Variants in B3GALT5 observed in about 807,000 individuals in gnomAD.
B3GALT5 encodes beta-1,3-galactosyltransferase 5.
For missense variants in B3GALT5, 328 were observed against 396.6 expected (o/e 0.83, Z 1.47); for synonymous variants, 156 against 158.6 (o/e 0.98, Z 0.12).
intron 3 of B3GALT5, 127 bp from the exon 4 acceptor site, chr21:39,660,432 CT>C (rs1242697615): frequency 2.8e-6 from 2 of 714,558 alleles, no homozygotes; most frequent in African/African-American, 3.6e-5. Flanking sequence ...CAGCACCCGA[CT>C]TCTGTATGCA....
intron 1 of B3GALT5, among the ~76,000 whole-genome samples, chr21:39,620,388 T>C (rs111813996): frequency 0.016 from 2,364 of 152,316 alleles, 68 homozygotes; most frequent in African/African-American, 0.053. Context: ...GCATTTTTGG[T>C]AATAATACCA....
In B3GALT5 at chr21:39,661,764, G is replaced by A. The variant is rs114221867; in HGVS notation, c.*272G>A. On this transcript the variant is annotated 3_prime_UTR_variant, in exon 4 of 4. Coordinates refer to ENST00000684187, the MANE Select transcript of B3GALT5 (RefSeq NM_001356336.2). This position sits in a 1 kb window ranked among gnomAD's most constrained non-coding sequence, Gnocchi z 4.7. Reference sequence around the variant, plus strand: ...AGGGGTCAGTATCCTATGACATGATGGGTGTTACCATCCTAATTTTACAGG... The same window carrying A: ...AGGGGTCAGTATCCTATGACATGATAGGTGTTACCATCCTAATTTTACAGG... 679 of 324,722 alleles carry A rather than the reference G, an allele frequency of 2.1e-3. 5 individuals carry two copies. The highest frequency in any genetic ancestry group is 0.014 in the African/African-American group (652 of 46,834). 20.1% of individuals were successfully genotyped at this position (324,722 alleles called of 1,614,324 possible).
intron 2 of B3GALT5, among the ~76,000 whole-genome samples, chr21:39,654,620 A>G (rs1261466244): frequency 1.3e-5 from 2 of 152,244 alleles, no homozygotes; most frequent in African/African-American, 2.4e-5. Flanking sequence ...GTCGCATGCT[A>G]CAGAGAAATC....
intron 1 of B3GALT5, among the ~76,000 whole-genome samples, chr21:39,645,967 A>G (rs984579339): frequency 1.3e-5 from 2 of 150,542 alleles, no homozygotes; most frequent in Non-Finnish European, 3.0e-5. Context: ...TCTGCCTCCC[A>G]GCACAGGTGG....
intron 2 of B3GALT5, among the ~76,000 whole-genome samples, chr21:39,658,543 C>T (rs1281842274): frequency 2.0e-5 from 3 of 151,958 alleles, no homozygotes; most frequent in Non-Finnish European, 4.4e-5. Context: ...CCCCAACCCC[C>T]CTAATCAGCT....
chr21:39,647,511 G>A (rs1217381655), intron 2 of B3GALT5, among the ~76,000 whole-genome samples: 1 of 151,084 alleles, frequency 6.6e-6, no homozygotes, highest in Non-Finnish European at 1.5e-5. Context: ...GGGAATTTTT[G>A]TATTTTTTGT....
intron 2 of B3GALT5, among the ~76,000 whole-genome samples, chr21:39,648,987 A>G (rs1354234788): frequency 3.3e-5 from 5 of 152,128 alleles, no homozygotes; most frequent in Non-Finnish European, 7.4e-5. Context: ...GAGAAAAGAC[A>G]TTTCTGATCT....
At chr21:39,634,570 C>T (rs1480048540) in intron 1 of B3GALT5, among the ~76,000 whole-genome samples, 1 of 152,080 alleles carries the variant, frequency 6.6e-6, no homozygotes, top group Non-Finnish European at 1.5e-5. Context: ...CTATAAATGA[C>T]GGTCTAGGTT....
rs766847002 is a variant in B3GALT5 at position 39,661,300 on chromosome 21, G to T, written c.741G>T (p.Gly247=). The T allele has an allele frequency of 4.3e-6, 7 of 1,614,160 alleles. No individual in the cohort carries two copies. The South Asian group carries it at 6.6e-5, about 15-fold the overall frequency. ...PYIKLEDVFV[G]LCLERLNIRL... ...TTAAACTGGAAGACGTGTTTGTGGG[G>T]CTCTGCCTCGAAAGGCTGAACATCA... Residue 247 remains glycine (G), a synonymous_variant, in exon 4 of 4, where the codon GGG becomes GGT. Coordinates refer to ENST00000684187, the MANE Select transcript of B3GALT5 (RefSeq NM_001356336.2). This position sits in a 1 kb window ranked among gnomAD's most constrained non-coding sequence, Gnocchi z 4.7.
rs773787352 is a variant in B3GALT5 at position 39,662,683 on chromosome 21, C to T, written c.*1191C>T. On this transcript the variant is annotated 3_prime_UTR_variant, in exon 4 of 4. Transcript: ENST00000684187. ...GCTGCCTCCTACCCAGAGGTTTGTG[C>T]GAGCCTGTGTTGCAGGGTTGTATAA... 3.6e-5 allele frequency: 6 copies of T among 167,454 alleles called. No homozygotes were observed. Among genetic ancestry groups the T allele is most frequent in the South Asian group, 4.1e-4 (2 of 4,830 alleles). 10.4% of individuals were successfully genotyped at this position (167,454 alleles called of 1,614,324 possible). A position where few individuals can be genotyped will look rare whatever the true frequency, so the allele number is the denominator to read the frequency against.
At chr21:39,644,363 G>A (rs541679958) in intron 1 of B3GALT5, among the ~76,000 whole-genome samples, 1 of 152,228 alleles carries the variant, frequency 6.6e-6, no homozygotes, top group South Asian at 2.1e-4. Flanking sequence ...GTTTCCTTGT[G>A]GGCAAAATAT....
intron 3 of B3GALT5, 55 bp from the exon 4 acceptor site, chr21:39,660,505 A>G: frequency 1.5e-6 from 2 of 1,359,068 alleles, no homozygotes; most frequent in Non-Finnish European, 1.9e-6. Flanking sequence ...CTAGCATAAA[A>G]CTAGACACAT....
Position 39,671,216 on chromosome 21 carries a change from T to G in B3GALT5, c.*9724T>G, listed in dbSNP as rs542577434. 6.6e-6 allele frequency: 1 copy of G among 152,356 alleles called. No individual in the cohort carries two copies. The highest frequency in any genetic ancestry group is 2.1e-4 in the South Asian group (1 of 4,824). 9.4% of individuals were successfully genotyped at this position (152,356 alleles called of 1,614,324 possible). ...AACGCTGTTGCACTGGGGATTAAGT[T>G]TCCTTACACATGCACTTTGGGGGAC... On this transcript the variant is annotated 3_prime_UTR_variant, in exon 4 of 4. Coordinates refer to ENST00000684187, the MANE Select transcript of B3GALT5 (RefSeq NM_001356336.2).
Position 39,660,614 on chromosome 21 carries a change from C to A in B3GALT5, c.55C>A (p.Leu19Ile), listed in dbSNP as rs769493780. 4.8e-6 allele frequency: 7 copies of A among 1,452,962 alleles called. No homozygotes were observed. The highest frequency in any genetic ancestry group is 6.4e-6 in the Non-Finnish European group (7 of 1,100,924). The allele number at this position is 1,452,962 out of a possible 1,614,324, so 90.0% of individuals were successfully genotyped here. Residue 19 changes from leucine (L) to isoleucine (I), a missense_variant, in exon 4 of 4, where the codon CTT becomes ATT. Coordinates refer to ENST00000684187, the MANE Select transcript of B3GALT5 (RefSeq NM_001356336.2). ...MYICLLVLGA[L>I]CLYFSMYSLN... Reference sequence around the variant, plus strand: ...TATTTGCCTTCTGGTTCTGGGGGCTCTTTGTTTGTATTTTAGCATGTACAG... The same window carrying A: ...TATTTGCCTTCTGGTTCTGGGGGCTATTTGTTTGTATTTTAGCATGTACAG...
intron 1 of B3GALT5, among the ~76,000 whole-genome samples, chr21:39,637,019 A>C (rs898134130): frequency 3.3e-5 from 5 of 151,922 alleles, no homozygotes; most frequent in Non-Finnish European, 7.4e-5. Context: ...TTTTGGAGGG[A>C]CCCTGCCCTT....
intron 1 of B3GALT5, among the ~76,000 whole-genome samples, chr21:39,642,443 A>T (rs1380871128): frequency 6.6e-6 from 1 of 152,260 alleles, no homozygotes; most frequent in Non-Finnish European, 1.5e-5. Context: ...AGGGCATTGG[A>T]GACCCAGGGA....
intron 2 of B3GALT5, among the ~76,000 whole-genome samples, chr21:39,656,774 G>A (rs2079449232): frequency 6.6e-6 from 1 of 152,216 alleles, no homozygotes; most frequent in Admixed American, 6.5e-5. Flanking sequence ...CGCTGCACGT[G>A]CCTGTGCGGG....
chr21:39,617,465 CAAGT>C (rs1273994652), intron 1 of B3GALT5, among the ~76,000 whole-genome samples: 1 of 152,176 alleles, frequency 6.6e-6, no homozygotes, highest in Non-Finnish European at 1.5e-5. Flanking sequence ...CCTGAGAGAG[CAAGT>C]GAGAGAACAT....
rs538474332 is a variant in B3GALT5, at chr21:39,619,209, G to A, written c.-392+6142G>A. Among the ~76,000 whole-genome samples, 11 of 152,230 alleles carry A rather than the reference G, an allele frequency of 7.2e-5. No individual in the cohort carries two copies. In the South Asian group the frequency reaches 2.3e-3, roughly 32 times the overall value. On this transcript the variant is annotated intron_variant, in intron 1 of 3. Transcript: ENST00000684187. ...TCACGGTTCTGGAGGCTGGAAGTCTGAGATCAAAGGTGCCAGCCTGATCAG... is the reference window on the plus strand; with the variant it reads ...TCACGGTTCTGGAGGCTGGAAGTCTAAGATCAAAGGTGCCAGCCTGATCAG...
Sources: allele counts gnomAD v4.1 joint callset (sites outside exome capture counted in the v4.1 genomes callset), GRCh38; gene constraint gnomAD v4.1.1; non-coding constraint Gnocchi (gnomAD v3.1); transcripts MANE v1.5; gene names NCBI Gene and HGNC (gene_info 2026-07-23, HGNC 2026-07-21).